KAT7: variants seen among roughly 807,000 people sequenced by gnomAD.
KAT7 encodes histone acetyltransferase KAT7.
Under a neutral mutation model 82.1 loss-of-function variants are expected in KAT7, and 10 were observed. The observed-to-expected ratio is 0.12, with a 90% confidence interval of 0.08 to 0.21. KAT7 has a LOEUF of 0.21. KAT7 is among the 10% of genes least tolerant of loss of function. KAT7 has a pLI of 1.00. For missense variants in KAT7, 378 were observed against 760.9 expected (o/e 0.50, Z 5.92); for synonymous variants, 250 against 262.5 (o/e 0.95, Z 0.46).
At chr17:49,802,734 A>C (rs1247384583) in intron 4 of KAT7, among the ~76,000 whole-genome samples, 2 of 151,734 alleles carry the variant, frequency 1.3e-5, no homozygotes, top group Admixed American at 1.3e-4. Context: ...TATTAATGAC[A>C]TTACTTTTTT....
intron 11 of KAT7, among the ~76,000 whole-genome samples, chr17:49,822,207 C>T (rs943589720): frequency 3.3e-5 from 5 of 151,974 alleles, no homozygotes; most frequent in Admixed American, 1.3e-4. Context: ...AACACTACTG[C>T]GCCTTTTAAA....
At chr17:49,791,517 G>A (rs1322742575) in intron 1 of KAT7, among the ~76,000 whole-genome samples, 1 of 152,162 alleles carries the variant, frequency 6.6e-6, no homozygotes, top group African/African-American at 2.4e-5. Flanking sequence ...AATTAGCTGG[G>A]CATGGTGGCG....
In KAT7 at chr17:49,830,148, G is replaced by C. The variant is rs1215965032; in HGVS notation, c.*2646G>C. ...CCACCTTGGCCTCCCAAAGTGCTGG[G>C]ATTACAGGCGTGAGCCACTGCACCC... is the stretch of plus-strand genomic sequence containing the variant. On this transcript the variant is annotated 3_prime_UTR_variant, in exon 15 of 15. Coordinates refer to ENST00000259021, the MANE Select transcript of KAT7 (RefSeq NM_007067.5). 6.7e-6 allele frequency: 1 copy of C among 150,016 alleles called. No individual in the cohort carries two copies. The highest frequency in any genetic ancestry group is 1.5e-5 in the Non-Finnish European group (1 of 67,838). The allele number at this position is 150,016 out of a possible 1,614,324, so 9.3% of individuals were successfully genotyped here. A position where few individuals can be genotyped will look rare whatever the true frequency, so the allele number is the denominator to read the frequency against.
At chr17:49,788,894 G>A (rs759034835) in intron 1 of KAT7, 45 bp downstream of exon 1, 11 of 1,527,760 alleles carry the variant, frequency 7.2e-6, no homozygotes, top group Non-Finnish European at 9.7e-6. Context: ...AAGGACAGTC[G>A]ATTGAGCACC....
intron 10 of KAT7, 81 bp downstream of exon 10, chr17:49,821,507 C>A: frequency 6.7e-7 from 1 of 1,482,156 alleles, no homozygotes; most frequent in Non-Finnish European, 9.4e-7. Context: ...TTCTCCATCA[C>A]ACCTTGTGAA....
intron 12 of KAT7, among the ~76,000 whole-genome samples, chr17:49,825,083 C>T (rs1453370654): frequency 2.0e-5 from 3 of 152,064 alleles, no homozygotes; most frequent in Non-Finnish European, 4.4e-5. Flanking sequence ...TAGTCTAAAA[C>T]TTTCCACTCC....
chr17:49,788,742 G>C lies in KAT7; in HGVS notation c.-93G>C, dbSNP rs111327802. 85 of 1,412,538 alleles carry C rather than the reference G, an allele frequency of 6.0e-5. 1 individual carries two copies. The African/African-American group carries it at 8.1e-4, about 13-fold the overall frequency. 87.5% of individuals were successfully genotyped at this position (1,412,538 alleles called of 1,614,324 possible). A position where few individuals can be genotyped will look rare whatever the true frequency, so the allele number is the denominator to read the frequency against. On this transcript the variant is annotated 5_prime_UTR_variant, in exon 1 of 15. Transcript: ENST00000259021. ...AGGGATCGTCCGCAGGATTGGGACT[G>C]ATACAGAGGCCGCCACGGAGCCCGC...
chr17:49,788,769 G>A lies in KAT7; in HGVS notation c.-66G>A. The A allele has an allele frequency of 4.5e-6, 7 of 1,540,068 alleles. No homozygotes were observed. The highest frequency in any genetic ancestry group is 6.1e-6 in the Non-Finnish European group (7 of 1,140,734). ...TACAGAGGCCGCCACGGAGCCCGCC[G>A]GAGCCACCGTTCCTGCTGCTGCCGC... On this transcript the variant is annotated 5_prime_UTR_variant, in exon 1 of 15. Transcript: ENST00000259021.
intron 12 of KAT7, among the ~76,000 whole-genome samples, chr17:49,823,842 C>T (rs2074335568): frequency 1.3e-5 from 2 of 152,212 alleles, no homozygotes; most frequent in Non-Finnish European, 2.9e-5. Flanking sequence ...TCCCAGCTGA[C>T]TTCAGAGTTT....
At chr17:49,826,652 C>T (rs370707505) in intron 13 of KAT7, 41 bp from the exon 14 acceptor site, 285 of 1,404,758 alleles carry the variant, frequency 2.0e-4, no homozygotes, top group Middle Eastern at 9.9e-4. Flanking sequence ...GGGGTGGGAA[C>T]CTGCACTTTG....
At chr17:49,812,221 T>G (rs1814065443) in intron 7 of KAT7, among the ~76,000 whole-genome samples, 1 of 151,398 alleles carries the variant, frequency 6.6e-6, no homozygotes, top group Non-Finnish European at 1.5e-5. Context: ...ATTCTGTGTT[T>G]TCGCTTAAAA....
chr17:49,810,439 T>G (rs1487427639), intron 6 of KAT7, among the ~76,000 whole-genome samples: 2 of 152,108 alleles, frequency 1.3e-5, no homozygotes, highest in Non-Finnish European at 2.9e-5. Flanking sequence ...GTATTTTTAG[T>G]AGAGACAGGG....
intron 12 of KAT7, among the ~76,000 whole-genome samples, chr17:49,825,614 A>T (rs1431817736): frequency 6.6e-6 from 1 of 152,246 alleles, no homozygotes; most frequent in Non-Finnish European, 1.5e-5. Context: ...GTATATTGTT[A>T]TAATTGTTCT....
Position 49,814,340 on chromosome 17 carries a change from A to T in KAT7, c.853-1463A>T, listed in dbSNP as rs1241531972. Reference sequence around the variant, plus strand: ...TGGTTTGTACAGTGAGGGCTTTAGTAGTGGGCTATAGGGTACCAGATTGTT... The same window carrying T: ...TGGTTTGTACAGTGAGGGCTTTAGTTGTGGGCTATAGGGTACCAGATTGTT... On this transcript the variant is annotated intron_variant, in intron 7 of 14. Transcript: ENST00000259021. 2.0e-5 allele frequency among the ~76,000 whole-genome samples: 3 copies of T among 152,324 alleles called. No homozygotes were observed. The East Asian group carries it at 5.8e-4, about 29-fold the overall frequency.
At chr17:49,790,008 T>G (rs930299476) in intron 1 of KAT7, 10 of 152,178 alleles carry the variant, frequency 6.6e-5, no homozygotes, top group African/African-American at 2.4e-4. Context: ...CCCCCTTCAT[T>G]TCAGCCGTTT....
chr17:49,826,891 T>A (rs2074375097), intron 14 of KAT7, 92 bp downstream of exon 14: 1 of 779,820 alleles, frequency 1.3e-6, no homozygotes, highest in Non-Finnish European at 2.1e-6. Flanking sequence ...GAACCTTCCC[T>A]TAAAGGAGTT....
intron 4 of KAT7, among the ~76,000 whole-genome samples, chr17:49,801,150 AAT>A (rs2074019512): frequency 6.6e-6 from 1 of 152,152 alleles, no homozygotes; most frequent in Non-Finnish European, 1.5e-5. Context: ...GTAAATAAAA[AAT>A]ATGTTGTATT....
chr17:49,815,805 A>G lies in KAT7; in HGVS notation c.855A>G (p.Glu285=). 1 of 1,591,796 alleles carries G rather than the reference A, an allele frequency of 6.3e-7. No individual in the cohort carries two copies. Among genetic ancestry groups the G allele is most frequent in the Non-Finnish European group, 8.6e-7 (1 of 1,160,874 alleles). The change falls in exon 8 of 15, where the codon GAA becomes GAG. Residue 285 remains glutamate (E), a splice_region_variant and synonymous_variant. Transcript: ENST00000259021. ...LSKEQKEKYM[E]HRQTYGNTRE... ...TCACGCTCTGGTTATTTTCCTAGGAACACAGACAGACCTATGGGAACACAC... is the reference window on the plus strand; with the variant it reads ...TCACGCTCTGGTTATTTTCCTAGGAGCACAGACAGACCTATGGGAACACAC...
In KAT7 at chr17:49,798,569, C is replaced by G; in HGVS notation, c.580+11C>G. 6.3e-7 allele frequency: 1 copy of G among 1,586,934 alleles called. No homozygotes were observed. The highest frequency in any genetic ancestry group is 8.6e-7 in the Non-Finnish European group (1 of 1,161,624). ...GCTGTAACTCTCTAGGTCAGTGTGC[C>G]CTAGCTTCATGACATCCTTTGTTCT... On this transcript the variant is annotated intron_variant, in intron 4 of 14. Transcript: ENST00000259021.
Sources: allele counts gnomAD v4.1 joint callset (sites outside exome capture counted in the v4.1 genomes callset), GRCh38; gene constraint gnomAD v4.1.1; transcripts MANE v1.5; gene names NCBI Gene and HGNC (gene_info 2026-07-23, HGNC 2026-07-21).